Variants in FAT4 observed in about 807,000 individuals in gnomAD.
The protein encoded by FAT4 is protocadherin Fat 4.
A neutral mutation model predicts 303.9 loss-of-function variants in FAT4; 84 were observed. The observed-to-expected ratio is 0.28, with a 90% CI of 0.23 to 0.33. The LOEUF is 0.33. Ranked by LOEUF, FAT4 falls within the 10% of genes least tolerant of loss-of-function variation. FAT4 has a pLI of 1.00. For missense variants in FAT4, 6,005 were observed against 6,146.8 expected, an observed-to-expected ratio of 0.98 and a Z score of 0.77; for synonymous variants, 2,307 against 2,298.8, an observed-to-expected ratio of 1.00 and a Z score of -0.10.
chr4:125,342,712 TTA>T (rs200430685), intron 2 of FAT4, among the ~76,000 whole-genome samples: 2,513 of 151,632 alleles, frequency 0.017, 25 homozygotes, highest in Non-Finnish European at 0.028. Flanking sequence ...TGTTTGAATT[TTA>T]TTTTTTTATT....
chr4:125,363,565 G>A (rs551868508), intron 2 of FAT4, among the ~76,000 whole-genome samples: 5 of 150,732 alleles, frequency 3.3e-5, no homozygotes, highest in African/African-American at 1.2e-4. Flanking sequence ...GTATGATCTC[G>A]GCTCACTAAA....
intron 12 of FAT4, among the ~76,000 whole-genome samples, chr4:125,470,482 T>C (rs1726818927): frequency 6.6e-6 from 1 of 152,238 alleles, no homozygotes; most frequent in Admixed American, 6.5e-5. Flanking sequence ...TTCTTTAGTG[T>C]AACCACCTTC....
chr4:125,420,305 T>C (rs1735239231), intron 7 of FAT4, among the ~76,000 whole-genome samples: 1 of 152,150 alleles, frequency 6.6e-6, no homozygotes, highest in Non-Finnish European at 1.5e-5. Context: ...TTATTCAAAA[T>C]GGGATTCTCA....
intron 2 of FAT4, among the ~76,000 whole-genome samples, chr4:125,378,250 G>T (rs966458530): frequency 6.6e-6 from 1 of 152,064 alleles, no homozygotes; most frequent in Non-Finnish European, 1.5e-5. Flanking sequence ...ATAAAGAATA[G>T]CTTTAAGAAT....
intron 2 of FAT4, among the ~76,000 whole-genome samples, chr4:125,367,466 A>G (rs1026294938): frequency 5.3e-5 from 8 of 152,178 alleles, no homozygotes; most frequent in Non-Finnish European, 1.2e-4. Context: ...TCCAGAATCT[A>G]CACACTAATC....
At chr4:125,479,194 A>C (rs1291344542) in intron 14 of FAT4, among the ~76,000 whole-genome samples, 1 of 152,226 alleles carries the variant, frequency 6.6e-6, no homozygotes. Flanking sequence ...AGATTCAGCA[A>C]ACCCGCAAAC....
At position 125,450,715 on chromosome 4, in the gene FAT4, A is replaced by G. The variant is rs1388229802; in HGVS notation, c.9705A>G (p.Val3235=). Residue 3235 remains valine, a synonymous_variant, in exon 10 of 18, where the codon GTA becomes GTG. Coordinates refer to ENST00000394329, the MANE Select transcript of FAT4 (RefSeq NM_001291303.3). ...CAAATGCTGTGATTGCGTATACTGT[A>G]CAGTCATCTGACAGTGACCTCTTTG... ...SGTNAVIAYT[V]QSSDSDLFVI... 6.2e-7 allele frequency: 1 copy of G among 1,614,104 alleles called. No individual in the cohort carries two copies. The highest frequency in any genetic ancestry group is 8.5e-7 in the Non-Finnish European group (1 of 1,179,978).
intron 17 of FAT4, 31 bp downstream of exon 17, chr4:125,487,637 G>A: frequency 6.5e-7 from 1 of 1,537,436 alleles, no homozygotes; most frequent in Admixed American, 2.1e-5. Context: ...GAGTCACAAG[G>A]GAAGTAAAAT....
At position 125,446,441 on chromosome 4, in the gene FAT4, A is replaced by G. The variant is rs1462952304; in HGVS notation, c.7348A>G (p.Ser2450Gly). The change falls in exon 9 of 18, where the codon AGT becomes GGT. Residue 2450 changes from serine (S) to glycine (G), a missense_variant. Ser to Gly is a moderately conservative substitution (Grantham distance 56). Coordinates refer to ENST00000394329, the MANE Select transcript of FAT4 (RefSeq NM_001291303.3). Reference protein sequence around the residue: ...SDAGSPEPLSSSTSVLVTVTD... With the variant: ...SDAGSPEPLSGSTSVLVTVTD... The stretch of plus-strand genomic sequence containing the variant: ...TGCGGGATCCCCAGAGCCTCTTTCC[A>G]GTTCCACCAGTGTGCTTGTCACTGT... 1.2e-5 allele frequency: 19 copies of G among 1,613,454 alleles called. No individual in the cohort carries two copies. The highest frequency in any genetic ancestry group is 1.6e-5 in the Non-Finnish European group (19 of 1,179,616).
chr4:125,392,016 C>A (rs1008825123), intron 2 of FAT4, among the ~76,000 whole-genome samples: 4 of 152,110 alleles, frequency 2.6e-5, no homozygotes, highest in Admixed American at 1.3e-4. Context: ...CTCTTGGAAT[C>A]TCAGAATATA....
At chr4:125,487,255 C>G in intron 16 of FAT4, 90 bp from the exon 17 acceptor site, 1 of 1,209,502 alleles carries the variant, frequency 8.3e-7, no homozygotes, top group East Asian at 2.5e-5. Context: ...CTGCTGTGGA[C>G]TGGTCAAAAA....
At chr4:125,406,096 A>G (rs1734596022) in intron 3 of FAT4, among the ~76,000 whole-genome samples, 1 of 152,138 alleles carries the variant, frequency 6.6e-6, no homozygotes, top group Non-Finnish European at 1.5e-5. Context: ...ATAATTGCCC[A>G]GGCTGTCTTT....
chr4:125,487,320 A>C (rs774428433), intron 16 of FAT4, 25 bp from the exon 17 acceptor site: 1 of 1,583,504 alleles, frequency 6.3e-7, no homozygotes, highest in South Asian at 1.1e-5. Context: ...TTTTAATTGC[A>C]TACTATTTTT....
At chr4:125,477,837 A>G (rs1230333246) in intron 14 of FAT4, among the ~76,000 whole-genome samples, 3 of 152,160 alleles carry the variant, frequency 2.0e-5, no homozygotes, top group Non-Finnish European at 4.4e-5. Flanking sequence ...GTTTCTAGCA[A>G]TAACTTAGGG....
intron 16 of FAT4, among the ~76,000 whole-genome samples, chr4:125,486,463 C>A (rs1033026821): frequency 6.6e-6 from 1 of 152,018 alleles, no homozygotes; most frequent in Non-Finnish European, 1.5e-5. Flanking sequence ...TAAACTGATC[C>A]ATCTTTTCAT....
intron 2 of FAT4, among the ~76,000 whole-genome samples, chr4:125,363,506 T>C (rs1246985168): frequency 6.6e-6 from 1 of 151,822 alleles, no homozygotes; most frequent in Non-Finnish European, 1.5e-5. Flanking sequence ...TTTATATATA[T>C]ATTTTTTTGA....
chr4:125,395,073 C>A (rs1393923376), intron 2 of FAT4, among the ~76,000 whole-genome samples: 2 of 152,004 alleles, frequency 1.3e-5, no homozygotes, highest in Non-Finnish European at 2.9e-5. Context: ...TAGATAAAAC[C>A]ATGGCACTAA....
chr4:125,434,385 A>G lies in FAT4; in HGVS notation c.7159A>G (p.Asn2387Asp). Residue 2387 changes from asparagine to aspartate, a missense_variant, in exon 8 of 18, where the codon AAT (asparagine) becomes GAT (aspartate). Coordinates refer to ENST00000394329, the MANE Select transcript of FAT4 (RefSeq NM_001291303.3). Reference sequence around the variant, plus strand: ...AACTGGAACAGATGTTTTATTGGTAAATGCCTCAGATGCTGATGCTTCAAA... The same window carrying G: ...AACTGGAACAGATGTTTTATTGGTAGATGCCTCAGATGCTGATGCTTCAAA... ...APTGTDVLLVNASDADASKNA... is the reference protein window; with the variant it reads ...APTGTDVLLVDASDADASKNA... The G allele has an allele frequency of 6.2e-7, 1 of 1,614,074 alleles. No homozygotes were observed. The highest frequency in any genetic ancestry group is 8.5e-7 in the Non-Finnish European group (1 of 1,179,972).
intron 16 of FAT4, 132 bp downstream of exon 16, chr4:125,481,870 C>G (rs1443300593): frequency 1.4e-6 from 1 of 720,966 alleles, no homozygotes; most frequent in East Asian, 2.7e-5. Flanking sequence ...GGGCACTATT[C>G]CAATGTCATC....
Sources: allele counts gnomAD v4.1 joint callset (sites outside exome capture counted in the v4.1 genomes callset), GRCh38; gene constraint gnomAD v4.1.1; transcripts MANE v1.5; gene names NCBI Gene and HGNC (gene_info 2026-07-23, HGNC 2026-07-21).